Variants in IL1RAPL1 observed in about 807,000 individuals in gnomAD.
IL1RAPL1 encodes interleukin-1 receptor accessory protein-like 1.
IL1RAPL1 carries 3 observed loss-of-function variants against 48.4 expected under a neutral mutation model. The observed-to-expected ratio is 0.06, with a 90% CI of 0.03 to 0.16. The LOEUF (loss-of-function observed/expected upper bound fraction) is 0.16, where lower values mean the gene tolerates loss of function less well. IL1RAPL1 is among the 10% of genes least tolerant of loss of function. The pLI, the probability that IL1RAPL1 is intolerant of heterozygous loss-of-function variation, is 1.00. For synonymous variants in IL1RAPL1, 185 were observed against 187.7 expected (o/e 0.99, Z 0.12); for missense variants, 349 against 530.6 (o/e 0.66, Z 3.36).
At chrX:28,762,768 T>C (rs1209730151) in intron 1 of IL1RAPL1, among the ~76,000 whole-genome samples, 2 of 95,529 alleles carry the variant, frequency 2.1e-5, no homozygotes, top group Non-Finnish European at 4.0e-5. Flanking sequence ...ATATATAAAA[T>C]CTAATACGCA....
intron 6 of IL1RAPL1, among the ~76,000 whole-genome samples, chrX:29,718,821 C>T (rs1927555373): frequency 9.1e-6 from 1 of 110,386 alleles, no homozygotes; most frequent in Non-Finnish European, 1.9e-5. Flanking sequence ...ATCATTGAGG[C>T]ACAAGTACAC....
chrX:29,946,612 G>C (rs1203944914), intron 9 of IL1RAPL1, among the ~76,000 whole-genome samples: 1 of 112,113 alleles, frequency 8.9e-6, no homozygotes, highest in African/African-American at 3.2e-5. Context: ...TTATAAATCA[G>C]AAGAAGTTCC....
intron 3 of IL1RAPL1, among the ~76,000 whole-genome samples, chrX:29,371,682 A>G (rs1010182277): frequency 9.0e-6 from 1 of 111,690 alleles, no homozygotes; most frequent in Non-Finnish European, 1.9e-5. Flanking sequence ...TATAAATGAG[A>G]ACATTTGGTA....
At chrX:29,537,316 G>A (rs895632560) in intron 5 of IL1RAPL1, among the ~76,000 whole-genome samples, 1 of 110,862 alleles carries the variant, frequency 9.0e-6, no homozygotes, top group Non-Finnish European at 1.9e-5. Flanking sequence ...GGAGAGCAGT[G>A]AAGAGAAGCT....
At chrX:29,352,825 T>C (rs1049713851) in intron 3 of IL1RAPL1, among the ~76,000 whole-genome samples, 2 of 111,710 alleles carry the variant, frequency 1.8e-5, no homozygotes, top group African/African-American at 6.5e-5. Context: ...TTGTTCCTTA[T>C]TTTCAGTGGA....
At chrX:28,955,227 C>A (rs368204700) in intron 2 of IL1RAPL1, among the ~76,000 whole-genome samples, 33 of 111,073 alleles carry the variant, frequency 3.0e-4, no homozygotes, top group Admixed American at 7.7e-4. Context: ...GATATAATGA[C>A]GGATATATGT....
At chrX:29,538,338 CTTTT>C (rs397896582) in intron 5 of IL1RAPL1, among the ~76,000 whole-genome samples, 1 of 83,619 alleles carries the variant, frequency 1.2e-5, no homozygotes, top group Non-Finnish European at 2.2e-5. Flanking sequence ...CTTTTCTTTT[CTTTT>C]TTTTTTTTTT....
chrX:28,831,810 A>G (rs1364126098), intron 2 of IL1RAPL1, among the ~76,000 whole-genome samples: 1 of 111,054 alleles, frequency 9.0e-6, no homozygotes, highest in Non-Finnish European at 1.9e-5. Context: ...TTCCAGAAGT[A>G]CTTCTCATTT....
intron 1 of IL1RAPL1, among the ~76,000 whole-genome samples, chrX:28,608,781 T>C (rs1274644067): frequency 8.9e-6 from 1 of 112,082 alleles, no homozygotes; most frequent in African/African-American, 3.2e-5. Context: ...TAAAATAACA[T>C]TTTACTTTCA....
intron 4 of IL1RAPL1, among the ~76,000 whole-genome samples, chrX:29,398,222 G>C (rs1933943862): frequency 1.8e-5 from 2 of 112,030 alleles, no homozygotes; most frequent in African/African-American, 6.5e-5. Flanking sequence ...GGCATATACA[G>C]TGTATATTTT....
Position 29,343,778 on chromosome X carries a change from A to T in IL1RAPL1, c.363-52480A>T, listed in dbSNP as rs777089667. ...TCATATATGTGTCTTTGTGTGCAAT[A>T]TTTATTTAAATAAAGGCTAAAGATT... On this transcript the variant is annotated intron_variant, in intron 3 of 10. Coordinates refer to ENST00000378993, the MANE Select transcript of IL1RAPL1 (RefSeq NM_014271.4). 4.5e-5 allele frequency among the ~76,000 whole-genome samples: 5 copies of T among 110,924 alleles called. No individual in the cohort carries two copies. In the East Asian group the frequency reaches 1.4e-3, roughly 31 times the overall value.
intron 1 of IL1RAPL1, among the ~76,000 whole-genome samples, chrX:28,650,513 C>A (rs915334539): frequency 9.0e-6 from 1 of 111,626 alleles, no homozygotes; most frequent in Non-Finnish European, 1.9e-5. Context: ...TACCTCCCAC[C>A]ATGTCCCTCC....
intron 2 of IL1RAPL1, among the ~76,000 whole-genome samples, chrX:28,945,167 T>C (rs1335547048): frequency 9.0e-6 from 1 of 111,570 alleles, no homozygotes; most frequent in African/African-American, 3.3e-5. Context: ...TGTAAATTAG[T>C]TCAATCATTG....
chrX:29,486,920 A>G lies in IL1RAPL1; in HGVS notation c.703+87612A>G, dbSNP rs1328099985. On this transcript the variant is annotated intron_variant, in intron 5 of 10. Transcript: ENST00000378993. ...ACATGAAACTCTTGGGGATCTTGTT[A>G]AACAATACTGAATCACAACAACAAA... Among the ~76,000 whole-genome samples the G allele has an allele frequency of 3.6e-5, 4 of 111,665 alleles. No homozygotes were observed. In the East Asian group the frequency reaches 1.1e-3, roughly 31 times the overall value.
chrX:29,790,458 C>T (rs1454976789), intron 6 of IL1RAPL1, among the ~76,000 whole-genome samples: 2 of 111,904 alleles, frequency 1.8e-5, no homozygotes, highest in East Asian at 5.6e-4. Context: ...ATTTAAAACT[C>T]TCTGGTAAAA....
At chrX:28,785,229 A>G (rs767577961) in intron 1 of IL1RAPL1, among the ~76,000 whole-genome samples, 1 of 111,544 alleles carries the variant, frequency 9.0e-6, no homozygotes, top group Non-Finnish European at 1.9e-5. Flanking sequence ...GGCTTAAGTG[A>G]TCCACCCGCC....
chrX:29,543,481 C>T (rs1166204648), intron 5 of IL1RAPL1, among the ~76,000 whole-genome samples: 1 of 110,482 alleles, frequency 9.1e-6, no homozygotes, highest in East Asian at 2.8e-4. Context: ...TAGGCTCTCT[C>T]CCTGTGCGAA....
chrX:29,765,568 G>C (rs1001379558), intron 6 of IL1RAPL1, among the ~76,000 whole-genome samples: 2 of 111,856 alleles, frequency 1.8e-5, no homozygotes, highest in Non-Finnish European at 3.8e-5. Context: ...TCAGCACAAT[G>C]TCTTTTTGTG....
chrX:28,830,168 T>A (rs963451819), intron 2 of IL1RAPL1, among the ~76,000 whole-genome samples: 3 of 111,747 alleles, frequency 2.7e-5, no homozygotes, highest in African/African-American at 9.8e-5. Flanking sequence ...AGGTAGGAAG[T>A]TTATCATCAT....
Sources: allele counts gnomAD v4.1 joint callset (sites outside exome capture counted in the v4.1 genomes callset), GRCh38; gene constraint gnomAD v4.1.1; transcripts MANE v1.5; gene names NCBI Gene and HGNC (gene_info 2026-07-23, HGNC 2026-07-21).